The following ELMO1 variants were observed in gnomAD, a reference collection of about 807,000 sequenced individuals.
ELMO1 encodes engulfment and cell motility protein 1.
In ELMO1, 26 loss-of-function variants were observed where a neutral mutation model predicts 98.9. That is an observed-to-expected ratio of 0.26 (90% CI 0.19 to 0.36). ELMO1 has a LOEUF of 0.36. Ranked by LOEUF, ELMO1 falls within the 10% of genes least tolerant of loss-of-function variation. The pLI is 1.00. For missense variants in ELMO1, 627 were observed against 935.2 expected (o/e 0.67, Z 4.30); for synonymous variants, 346 against 346.0 (o/e 1.00, Z 0.00).
intron 16 of ELMO1, 120 bp from the exon 17 acceptor site, chr7:36,895,137 ACC>A: frequency 2.6e-6 from 3 of 1,139,202 alleles, no homozygotes; most frequent in Non-Finnish European, 3.7e-6. Context: ...CTCAGCATTA[ACC>A]TTGAGCATGC....
intron 4 of ELMO1, among the ~76,000 whole-genome samples, chr7:37,286,353 T>TG (rs1326501206): frequency 6.6e-6 from 1 of 152,210 alleles, no homozygotes; most frequent in Admixed American, 6.5e-5. Flanking sequence ...ATCCAAAACT[T>TG]GGCTTCACCA....
intron 4 of ELMO1, among the ~76,000 whole-genome samples, chr7:37,288,650 C>G (rs899620207): frequency 6.6e-6 from 1 of 152,154 alleles, no homozygotes; most frequent in African/African-American, 2.4e-5. Flanking sequence ...AACCACATTG[C>G]GAAGATGGAG....
intron 1 of ELMO1, among the ~76,000 whole-genome samples, chr7:37,372,779 T>A (rs1331095671): frequency 6.6e-6 from 1 of 152,232 alleles, no homozygotes; most frequent in East Asian, 1.9e-4. Flanking sequence ...TTCCACTATA[T>A]TTCTAGATTA....
rs373643679 is a variant in ELMO1, at chr7:36,964,703, C to T, written c.1437+48596G>A. Among the ~76,000 whole-genome samples the T allele has an allele frequency of 1.3e-3, 195 of 152,238 alleles. 5 individuals are homozygous for T. In the South Asian group the frequency reaches 0.04, roughly 31 times the overall value. On this transcript the variant is annotated intron_variant, in intron 16 of 21. Transcript: ENST00000310758. ...AAATTCTCAATCCCACTACAATACC[C>T]TACAGTTAACCTACTTCCTTCCTCC...
At chr7:37,442,893 AT>A (rs1172003672) in intron 1 of ELMO1, among the ~76,000 whole-genome samples, 1 of 152,260 alleles carries the variant, frequency 6.6e-6, no homozygotes, top group Non-Finnish European at 1.5e-5. Context: ...CAGTGCAGAC[AT>A]CATGGTGCAG....
At chr7:36,911,485 C>T (rs946931720) in intron 16 of ELMO1, among the ~76,000 whole-genome samples, 2 of 152,140 alleles carry the variant, frequency 1.3e-5, no homozygotes, top group Admixed American at 6.5e-5. Context: ...GGCATAACGG[C>T]TTCCAAACGA....
intron 15 of ELMO1, chr7:37,033,490 G>T: frequency 2.5e-6 from 1 of 395,986 alleles, no homozygotes. Context: ...TGTGTTTAGT[G>T]TTAAAAAAAA....
intron 1 of ELMO1, among the ~76,000 whole-genome samples, chr7:37,349,613 G>A (rs1309516764): frequency 2.0e-5 from 3 of 152,080 alleles, no homozygotes; most frequent in African/African-American, 4.8e-5. Flanking sequence ...ACCACCTTGC[G>A]TGGCTAATTT....
chr7:37,308,938 A>G (rs1798753460), intron 4 of ELMO1, among the ~76,000 whole-genome samples: 1 of 152,034 alleles, frequency 6.6e-6, no homozygotes, highest in African/African-American at 2.4e-5. Context: ...AACAGAGGAG[A>G]CCCATGTTAG....
At chr7:37,083,480 T>TA (rs969401790) in intron 15 of ELMO1, among the ~76,000 whole-genome samples, 57 of 150,226 alleles carry the variant, frequency 3.8e-4, no homozygotes, top group South Asian at 1.5e-3. Flanking sequence ...ACTCACTCTA[T>TA]AAAAAAAAAC....
At chr7:37,318,748 TG>T (rs1233930034) in intron 2 of ELMO1, among the ~76,000 whole-genome samples, 1 of 152,166 alleles carries the variant, frequency 6.6e-6, no homozygotes, top group African/African-American at 2.4e-5. Flanking sequence ...TACATAATGG[TG>T]GGCCCCTCCA....
intron 21 of ELMO1, among the ~76,000 whole-genome samples, 164 bp downstream of exon 21, chr7:36,861,495 G>A (rs539830017): frequency 2.7e-4 from 41 of 151,918 alleles, no homozygotes; most frequent in Non-Finnish European, 2.5e-4. Context: ...CTGTTGCAAC[G>A]GGCAGTTTGT....
chr7:37,273,225 C>T (rs554599625), intron 4 of ELMO1, among the ~76,000 whole-genome samples: 1 of 152,284 alleles, frequency 6.6e-6, no homozygotes, highest in African/African-American at 2.4e-5. Context: ...TGTGGTTTGG[C>T]TTTGTGTCCC....
chr7:37,332,181 G>T (rs533051308), intron 2 of ELMO1, among the ~76,000 whole-genome samples: 1 of 152,288 alleles, frequency 6.6e-6, no homozygotes, highest in East Asian at 1.9e-4. Context: ...TTGATGGAAA[G>T]ACACACAAAG....
At chr7:37,185,768 A>G (rs1357304462) in intron 13 of ELMO1, among the ~76,000 whole-genome samples, 2 of 152,258 alleles carry the variant, frequency 1.3e-5, no homozygotes, top group Non-Finnish European at 2.9e-5. Context: ...CAAAATTTAT[A>G]TTCTGAAAAC....
At chr7:37,351,314 G>T (rs1366373578) in intron 1 of ELMO1, 1 of 152,210 alleles carries the variant, frequency 6.6e-6, no homozygotes, top group Non-Finnish European at 1.5e-5. Context: ...TCCTTAATAA[G>T]GATCTCATAA....
intron 13 of ELMO1, among the ~76,000 whole-genome samples, chr7:37,182,147 A>G (rs1790905559): frequency 6.6e-6 from 1 of 152,196 alleles, no homozygotes; most frequent in African/African-American, 2.4e-5. Context: ...CGAGGCTCCT[A>G]AGTCCAAAGG....
At chr7:37,125,454 A>G (rs1012181342) in intron 14 of ELMO1, among the ~76,000 whole-genome samples, 1 of 152,138 alleles carries the variant, frequency 6.6e-6, no homozygotes, top group Non-Finnish European at 1.5e-5. Flanking sequence ...AAATCAAACA[A>G]CCCCATAAAC....
chr7:37,392,896 C>T (rs188672153), intron 1 of ELMO1, among the ~76,000 whole-genome samples: 16 of 152,310 alleles, frequency 1.1e-4, no homozygotes, highest in African/African-American at 3.8e-4. Context: ...CTGTGCTCCC[C>T]TGGAGCCTGC....
Sources: gnomAD v4.1 joint callset for allele counts (sites outside exome capture counted in the v4.1 genomes callset) on GRCh38, gnomAD v4.1.1 for gene constraint, MANE v1.5 for transcripts, NCBI Gene and HGNC (gene_info 2026-07-23, HGNC 2026-07-21) for gene names.